Variants in IQSEC3 observed in about 807,000 individuals in gnomAD.
IQSEC3 encodes IQ motif and Sec7 domain ArfGEF 3, also known as IQ motif and SEC7 domain-containing protein 3.
In IQSEC3, 50 loss-of-function variants were observed where a neutral mutation model predicts 105.4. The ratio of observed to expected loss-of-function variants is 0.47; its 90% CI spans 0.38 to 0.60. The LOEUF is 0.60. Among genes scored for constraint, IQSEC3 ranks in the 20% least tolerant of loss-of-function variants. IQSEC3 has a pLI of 0.00. For missense variants in IQSEC3, 1,415 were observed against 1,630.0 expected, an observed-to-expected ratio of 0.87 and a Z score of 2.27; for synonymous variants, 708 against 746.0, an observed-to-expected ratio of 0.95 and a Z score of 0.83.
At position 102,611 on chromosome 12, in the gene IQSEC3, G is replaced by C. The variant is rs141431464; in HGVS notation, c.623+3397G>C. ...AGAACAGAGCCTCACCCCTCCCGAA[G>C]AGGCAGAGAAGCCTCAGCCCTACCG... On this transcript the variant is annotated intron_variant, in intron 2 of 13. Coordinates refer to ENST00000538872, the MANE Select transcript of IQSEC3 (RefSeq NM_001170738.2). 4.2e-3 allele frequency among the ~76,000 whole-genome samples: 645 copies of C among 152,296 alleles called. 4 individuals are homozygous for C. Among genetic ancestry groups the C allele is most frequent in the East Asian group, 0.03 (153 of 5,172 alleles).
intron 2 of IQSEC3, among the ~76,000 whole-genome samples, chr12:106,320 G>A (rs1326597110): frequency 2.0e-5 from 3 of 152,194 alleles, no homozygotes; most frequent in Non-Finnish European, 4.4e-5. Context: ...TCAAGTATGG[G>A]AAGCGAAAGT....
chr12:122,061 C>T lies in IQSEC3; in HGVS notation c.624-3572C>T, dbSNP rs562312771. The stretch of plus-strand genomic sequence containing the variant: ...GGTTTTGTGGCCACCTTCCACCACA[C>T]GGTCTTCTAGGTAAGTCTATGGAAG... On this transcript the variant is annotated intron_variant, in intron 2 of 13. Transcript: ENST00000538872. 3.9e-5 allele frequency among the ~76,000 whole-genome samples: 6 copies of T among 152,300 alleles called. No homozygotes were observed. The South Asian group carries it at 1.0e-3, about 26-fold the overall frequency.
intron 1 of IQSEC3, among the ~76,000 whole-genome samples, chr12:98,009 C>G (rs1366845436): frequency 6.6e-6 from 1 of 152,156 alleles, no homozygotes; most frequent in Non-Finnish European, 1.5e-5. Context: ...TGTTGTTTTA[C>G]AAAATAGGCT....
chr12:75,694 T>C (rs1397616034), intron 1 of IQSEC3, among the ~76,000 whole-genome samples: 2 of 152,254 alleles, frequency 1.3e-5, no homozygotes, highest in African/African-American at 4.8e-5. Flanking sequence ...ACTCAACACC[T>C]AGAAGGTGCA....
rs1032560223 is a variant in IQSEC3, at chr12:109,862, A to G, written c.623+10648A>G. Reference sequence around the variant, plus strand: ...TCTCGCTCGTTTTCTTTTTCTATCTATCTCTATCATCCTGTTTCCTTTTTC... The same window carrying G: ...TCTCGCTCGTTTTCTTTTTCTATCTGTCTCTATCATCCTGTTTCCTTTTTC... On this transcript the variant is annotated intron_variant, in intron 2 of 13. Coordinates refer to ENST00000538872, the MANE Select transcript of IQSEC3 (RefSeq NM_001170738.2). Among the ~76,000 whole-genome samples, 11 of 151,758 alleles carry G rather than the reference A, an allele frequency of 7.2e-5. No homozygotes were observed. In the East Asian group the frequency reaches 2.1e-3, roughly 30 times the overall value.
chr12:163,590 G>T lies in IQSEC3; in HGVS notation c.2680G>T (p.Glu894Ter). ...GCAGAAGCAGGCAGCGCATCAGAGGGAGGTGTTCCTCTTCAATGACCTGCT... is the reference window on the plus strand; with the variant it reads ...GCAGAAGCAGGCAGCGCATCAGAGGTAGGTGTTCCTCTTCAATGACCTGCT... ...KLQKQAAHQR[E>*]VFLFNDLLVI... Residue 894 changes from glutamate to a stop codon, truncating the protein, a stop_gained, in exon 9 of 14, where the codon GAG becomes TAG. Coordinates refer to ENST00000538872, the MANE Select transcript of IQSEC3 (RefSeq NM_001170738.2). LOFTEE classifies it high-confidence loss of function. 1 of 1,568,286 alleles carries T rather than the reference G, an allele frequency of 6.4e-7. No homozygotes were observed. Among genetic ancestry groups the T allele is most frequent in the Non-Finnish European group, 8.8e-7 (1 of 1,139,108 alleles).
chr12:174,896 G>A lies in IQSEC3; in HGVS notation c.3412G>A (p.Gly1138Ser), dbSNP rs746215813. Reference protein sequence around the residue: ...SCGSTPLGGPGSPVKVTHQPP... With the variant: ...SCGSTPLGGPSSPVKVTHQPP... The stretch of plus-strand genomic sequence containing the variant: ...CGGCTCCACACCCCTGGGCGGTCCC[G>A]GCTCTCCGGTCAAGGTCACCCACCA... The change falls in exon 14 of 14, where the codon GGC (glycine) becomes AGC (serine). Residue 1138 changes from glycine to serine, a missense_variant. Transcript: ENST00000538872. The A allele has an allele frequency of 9.6e-6, 15 of 1,561,874 alleles. No individual in the cohort carries two copies. Among genetic ancestry groups the A allele is most frequent in the East Asian group, 4.7e-5 (2 of 42,468 alleles).
chr12:113,269 C>G (rs978695648), intron 2 of IQSEC3, among the ~76,000 whole-genome samples: 4 of 152,238 alleles, frequency 2.6e-5, no homozygotes, highest in Admixed American at 2.0e-4. Context: ...TTACTTGATT[C>G]TCACCACAAG....
chr12:147,879 A>C (rs1866343705), intron 5 of IQSEC3: 1 of 152,214 alleles, frequency 6.6e-6, no homozygotes, highest in Non-Finnish European at 1.5e-5. Context: ...GTGCATGTAT[A>C]TCTTAAAGGG....
intron 2 of IQSEC3, among the ~76,000 whole-genome samples, chr12:123,345 G>A (rs984680493): frequency 2.6e-5 from 4 of 152,310 alleles, no homozygotes; most frequent in Admixed American, 1.3e-4. Context: ...GTAGGCTGAG[G>A]TGGGAGGATT....
chr12:100,670 T>G (rs1591651933), intron 2 of IQSEC3, among the ~76,000 whole-genome samples: 1 of 152,304 alleles, frequency 6.6e-6, no homozygotes, highest in East Asian at 1.9e-4. Context: ...CGGTGTCCTC[T>G]GTGACAAGTT....
rs1384826450 is a variant in IQSEC3, at chr12:165,798, G to C, written c.2879G>C (p.Cys960Ser). Reference protein sequence around the residue: ...GSEKKQVLHFCALGSDEMQKF... With the variant: ...GSEKKQVLHFSALGSDEMQKF... Reference sequence around the variant, plus strand: ...GAGAAGAAGCAGGTGCTGCATTTCTGTGCCCTGGGCTCGGACGAGATGCAG... The same window carrying C: ...GAGAAGAAGCAGGTGCTGCATTTCTCTGCCCTGGGCTCGGACGAGATGCAG... Residue 960 changes from cysteine to serine, a missense_variant, in exon 11 of 14, where the codon TGT (cysteine) becomes TCT (serine). Cys to Ser is a moderately radical substitution (Grantham distance 112). Coordinates refer to ENST00000538872, the MANE Select transcript of IQSEC3 (RefSeq NM_001170738.2). 7 of 1,614,054 alleles carry C rather than the reference G, an allele frequency of 4.3e-6. No homozygotes were observed. Among genetic ancestry groups the C allele is most frequent in the Non-Finnish European group, 5.9e-6 (7 of 1,180,046 alleles).
chr12:147,726 T>G (rs1866335904), intron 5 of IQSEC3: 1 of 152,094 alleles, frequency 6.6e-6, no homozygotes, highest in Admixed American at 6.5e-5. Context: ...GCAGAGAAAT[T>G]GAACAAAATC....
chr12:143,094 G>A (rs934288825), intron 5 of IQSEC3: 3 of 152,450 alleles, frequency 2.0e-5, no homozygotes, highest in Middle Eastern at 3.2e-3. Context: ...CTGCAGCCCA[G>A]GTGGTGCTGA....
At chr12:91,801 A>T (rs1250878501) in intron 1 of IQSEC3, among the ~76,000 whole-genome samples, 1 of 152,052 alleles carries the variant, frequency 6.6e-6, no homozygotes, top group Admixed American at 6.5e-5. Context: ...AAGAAAGAAA[A>T]GAAAGAAGCA....
chr12:80,111 T>C (rs1050453769), intron 1 of IQSEC3, among the ~76,000 whole-genome samples: 2 of 152,206 alleles, frequency 1.3e-5, no homozygotes, highest in African/African-American at 4.8e-5. Context: ...AAGGTGGGCT[T>C]TCTGAGGGCC....
rs1264845117 is a variant in IQSEC3, at chr12:152,290, C to T, written c.2154-4735C>T. Among the ~76,000 whole-genome samples the T allele has an allele frequency of 1.3e-5, 2 of 152,236 alleles. No homozygotes were observed. The highest frequency in any genetic ancestry group is 4.8e-5 in the African/African-American group (2 of 41,458). ...AGAGCCCCCGTGCTGACTGCCCACG[C>T]ATGCACCAAGAGGCTCTCCTGTGTA... is the stretch of plus-strand genomic sequence containing the variant. On this transcript the variant is annotated intron_variant, in intron 5 of 13. Transcript: ENST00000538872. The surrounding 1 kb of genome is among the most constrained non-coding windows in gnomAD (Gnocchi z 4.8).
chr12:131,537 G>A lies in IQSEC3; in HGVS notation c.903+5625G>A, dbSNP rs551912078. On this transcript the variant is annotated intron_variant, in intron 3 of 13. Coordinates refer to ENST00000538872, the MANE Select transcript of IQSEC3 (RefSeq NM_001170738.2). ...GATGGAGTGCTGGGTTCCAAGCCCC[G>A]GCCTGGACAAGAGTCTGGAATTTGA... Among the ~76,000 whole-genome samples the A allele has an allele frequency of 9.8e-5, 15 of 152,294 alleles. No individual in the cohort carries two copies. In the South Asian group the frequency reaches 1.0e-3, roughly 11 times the overall value.
At position 162,064 on chromosome 12, in the gene IQSEC3, C is replaced by T; in HGVS notation, c.2582C>T (p.Thr861Ile). The part of the protein sequence containing the change: ...KVEKSIVGMK[T>I]VLSVPHRRLV... ...GAGAAGTCCATTGTGGGCATGAAGA[C>T]AGTGAGTGTCCACAAGCTACCTATC... Residue 861 changes from threonine to isoleucine, a missense_variant and splice_region_variant, in exon 8 of 14, where the codon ACA becomes ATA. By Grantham distance (89) the Thr-to-Ile change is moderately conservative (BLOSUM62 -1). This residue lies in a region of IQSEC3 where 419 missense variants were observed against 436.2 expected (regional missense o/e 0.96). Transcript: ENST00000538872. The T allele has an allele frequency of 6.2e-7, 1 of 1,613,662 alleles. No individual in the cohort carries two copies. Among genetic ancestry groups the T allele is most frequent in the Non-Finnish European group, 8.5e-7 (1 of 1,179,960 alleles).
Sources: gnomAD v4.1 joint callset for allele counts (sites outside exome capture counted in the v4.1 genomes callset) on GRCh38, gnomAD v4.1.1 for gene constraint, gnomAD v4.1.1 regional missense constraint, Gnocchi (gnomAD v3.1) non-coding constraint, MANE v1.5 for transcripts, NCBI Gene and HGNC (gene_info 2026-07-23, HGNC 2026-07-21) for gene names.